Variants in CHN2 observed in about 807,000 individuals in gnomAD.
The protein encoded by CHN2 is beta-chimaerin.
A neutral mutation model predicts 56.3 loss-of-function variants in CHN2; 35 were observed. The ratio of observed to expected loss-of-function variants is 0.62; its 90% CI spans 0.47 to 0.82. The LOEUF (loss-of-function observed/expected upper bound fraction) is 0.82. CHN2 is among the 40% of genes least tolerant of loss of function. The pLI is 0.00. For synonymous variants in CHN2, 210 were observed against 212.8 expected (o/e 0.99, Z 0.12); for missense variants, 491 against 580.5 (o/e 0.85, Z 1.58).
chr7:29,300,434 T>G (rs1793570911), intron 1 of CHN2, among the ~76,000 whole-genome samples: 1 of 152,108 alleles, frequency 6.6e-6, no homozygotes, highest in Non-Finnish European at 1.5e-5. Context: ...AGGGCAGGAA[T>G]GCCTTCCTGG....
At chr7:29,378,437 T>C (rs1800236256) in intron 3 of CHN2, among the ~76,000 whole-genome samples, 1 of 152,236 alleles carries the variant, frequency 6.6e-6, no homozygotes, top group Non-Finnish European at 1.5e-5. Flanking sequence ...TGCTTTTTCG[T>C]CTAGCATAGG....
chr7:29,398,614 GA>G (rs962161811), intron 5 of CHN2, 128 bp downstream of exon 5: 51 of 640,216 alleles, frequency 8.0e-5, no homozygotes, highest in African/African-American at 1.9e-4. Context: ...TTTATGTTAT[GA>G]GGGGGGGGTC....
chr7:29,278,778 G>C (rs1486729631), intron 1 of CHN2, among the ~76,000 whole-genome samples: 1 of 152,188 alleles, frequency 6.6e-6, no homozygotes, highest in East Asian at 1.9e-4. Context: ...TTTGGCGGGG[G>C]TCTTGTCTAG....
chr7:29,345,863 A>G (rs1373683091), intron 1 of CHN2, among the ~76,000 whole-genome samples: 1 of 151,994 alleles, frequency 6.6e-6, no homozygotes, highest in East Asian at 1.9e-4. Context: ...TCAGAAAGTC[A>G]CTTACTTCCC....
Position 29,489,405 on chromosome 7 carries a change from A to ACCC in CHN2, c.655-6547_655-6546insCCC, listed in dbSNP as rs1474290047. On this transcript the variant is annotated intron_variant, in intron 7 of 12. Transcript: ENST00000222792. ...AAAAAGATATTCTTGCAAATCAGTG[A>ACCC]ACTTCAGAAAATGGAAAAAGCCGAC... is the stretch of plus-strand genomic sequence containing the variant. Among the ~76,000 whole-genome samples the ACCC allele has an allele frequency of 7.9e-5, 12 of 152,334 alleles. No individual in the cohort carries two copies. The South Asian group carries it at 2.5e-3, about 32-fold the overall frequency.
intron 1 of CHN2, 119 bp from the exon 2 acceptor site, chr7:29,354,506 G>A: frequency 1.2e-6 from 1 of 825,682 alleles, no homozygotes; most frequent in Non-Finnish European, 2.0e-6. Flanking sequence ...TGAGAAGAGA[G>A]TCCCCCTGAG....
At chr7:29,436,912 CT>C (rs1783267609) in intron 6 of CHN2, among the ~76,000 whole-genome samples, 1 of 151,036 alleles carries the variant, frequency 6.6e-6, no homozygotes, top group South Asian at 2.1e-4. Flanking sequence ...TTAAGCTACA[CT>C]TTAATATCAG....
intron 1 of CHN2, among the ~76,000 whole-genome samples, chr7:29,269,520 C>T (rs1284587891): frequency 1.3e-5 from 2 of 152,164 alleles, no homozygotes; most frequent in East Asian, 3.8e-4. Flanking sequence ...CTTGTTAGTG[C>T]AGATATCTCT....
intron 1 of CHN2, among the ~76,000 whole-genome samples, chr7:29,295,789 G>A (rs1010629982): frequency 2.0e-5 from 3 of 152,320 alleles, no homozygotes; most frequent in Admixed American, 2.0e-4. Flanking sequence ...CCCCTGATAA[G>A]CAAGTTTTTG....
chr7:29,220,080 A>G (rs1785654011), intron 1 of CHN2, among the ~76,000 whole-genome samples: 1 of 121,950 alleles, frequency 8.2e-6, no homozygotes, highest in South Asian at 2.3e-4. Context: ...GTCTCAAAAA[A>G]ATAAAAAAAT....
chr7:29,408,336 G>C (rs1386503865), intron 6 of CHN2, among the ~76,000 whole-genome samples: 1 of 152,198 alleles, frequency 6.6e-6, no homozygotes, highest in Non-Finnish European at 1.5e-5. Flanking sequence ...TGCAGGGCTT[G>C]AGAACCTGGG....
chr7:29,361,844 T>G (rs1798758483), intron 2 of CHN2, among the ~76,000 whole-genome samples: 1 of 152,362 alleles, frequency 6.6e-6, no homozygotes, highest in South Asian at 2.1e-4. Flanking sequence ...TTTGAATCTC[T>G]GAGGCCATCA....
chr7:29,451,672 C>G (rs1659832735), intron 6 of CHN2, among the ~76,000 whole-genome samples: 2 of 152,154 alleles, frequency 1.3e-5, no homozygotes, highest in African/African-American at 2.4e-5. Flanking sequence ...AGAGAATTCT[C>G]CAACCACATA....
intron 1 of CHN2, among the ~76,000 whole-genome samples, chr7:29,258,209 A>G (rs1789236321): frequency 6.6e-6 from 1 of 152,204 alleles, no homozygotes; most frequent in South Asian, 2.1e-4. Flanking sequence ...TTGAGAGTGA[A>G]GGAGTTGCTA....
intron 7 of CHN2, among the ~76,000 whole-genome samples, chr7:29,484,462 CT>C (rs1787726039): frequency 6.6e-6 from 1 of 152,202 alleles, no homozygotes; most frequent in Non-Finnish European, 1.5e-5. Flanking sequence ...TGCCCTGCAG[CT>C]CTCTCCTAGC....
chr7:29,207,791 C>G (rs749419010), intron 1 of CHN2, among the ~76,000 whole-genome samples: 1 of 152,042 alleles, frequency 6.6e-6, no homozygotes, highest in African/African-American at 2.4e-5. Context: ...ATCAAAGAAC[C>G]GACACCCTTT....
chr7:29,148,523 A>G (rs982538448), intron 2 of CHN2: 1 of 152,244 alleles, frequency 6.6e-6, no homozygotes, highest in African/African-American at 2.4e-5. Context: ...GAAATATGGC[A>G]TACATTAACC....
Position 29,242,759 on chromosome 7 carries a change from G to GAAAAAAA in CHN2, c.49+47789_49+47795dup, listed in dbSNP as rs57273690. 6.7e-5 allele frequency among the ~76,000 whole-genome samples: 4 copies of GAAAAAAA among 59,720 alleles called. 1 individual carries two copies. The highest frequency in any genetic ancestry group is 2.7e-4 in the East Asian group (1 of 3,670). The allele number at this position is 59,720 out of a possible 152,430, so 39.2% of individuals were successfully genotyped here. On this transcript the variant is annotated intron_variant, in intron 1 of 12. Transcript: ENST00000222792. ...AATATACAGAACTGACTTTCCTTCT[G>GAAAAAAA]AAAAAAAAAAAAAAAAAAAAAAAAA...
chr7:29,423,125 C>T (rs1046540175), intron 6 of CHN2, among the ~76,000 whole-genome samples: 2 of 152,204 alleles, frequency 1.3e-5, no homozygotes, highest in Non-Finnish European at 2.9e-5. Flanking sequence ...GAAATGCTTT[C>T]AATTCCCAGA....
Sources: gnomAD v4.1 joint callset for allele counts (sites outside exome capture counted in the v4.1 genomes callset) on GRCh38, gnomAD v4.1.1 for gene constraint, MANE v1.5 for transcripts, NCBI Gene and HGNC (gene_info 2026-07-23, HGNC 2026-07-21) for gene names.